ESRRB: variants seen among roughly 807,000 people sequenced by gnomAD.
ESRRB encodes the protein estrogen related receptor beta, also known as steroid hormone receptor ERR2.
ESRRB carries 16 observed loss-of-function variants against 46.0 expected under a neutral mutation model. The observed-to-expected ratio is 0.35, with a 90% CI of 0.24 to 0.53. The LOEUF (loss-of-function observed/expected upper bound fraction) is 0.53. ESRRB is among the 20% of genes least tolerant of loss of function. ESRRB has a pLI of 0.93. For synonymous variants in ESRRB, 246 were observed against 259.6 expected (o/e 0.95, Z 0.50); for missense variants, 488 against 607.4 (o/e 0.80, Z 2.07).
intron 2 of ESRRB, among the ~76,000 whole-genome samples, chr14:76,446,372 T>A (rs1242829350): frequency 1.3e-5 from 1 of 76,558 alleles, no homozygotes; most frequent in Non-Finnish European, 2.9e-5. Flanking sequence ...GTTGTTCGTT[T>A]TTTTTTTTTG....
At chr14:76,346,057 G>A (rs577438056) in intron 1 of ESRRB, among the ~76,000 whole-genome samples, 2 of 152,106 alleles carry the variant, frequency 1.3e-5, no homozygotes, top group Admixed American at 6.5e-5. Context: ...TGCCGGAAAC[G>A]CTTGGTGTTT....
intron 1 of ESRRB, among the ~76,000 whole-genome samples, chr14:76,379,282 T>C (rs1884908390): frequency 6.6e-6 from 1 of 152,104 alleles, no homozygotes; most frequent in African/African-American, 2.4e-5. Flanking sequence ...TGTGCCTGTG[T>C]ACAAATGGGT....
At chr14:76,433,507 G>A (rs757974128) in intron 1 of ESRRB, among the ~76,000 whole-genome samples, 3 of 152,114 alleles carry the variant, frequency 2.0e-5, no homozygotes, top group Non-Finnish European at 4.4e-5. Flanking sequence ...CTGACAATTA[G>A]TACTGACAAC....
chr14:76,446,383 TTTTG>T (rs1888149528), intron 2 of ESRRB, among the ~76,000 whole-genome samples: 2 of 150,118 alleles, frequency 1.3e-5, no homozygotes, highest in African/African-American at 5.0e-5. Flanking sequence ...TTTTTTTTTG[TTTTG>T]TTTTTGTTTT....
intron 1 of ESRRB, among the ~76,000 whole-genome samples, chr14:76,322,853 A>G (rs766787766): frequency 2.0e-5 from 3 of 152,118 alleles, no homozygotes; most frequent in Non-Finnish European, 4.4e-5. Context: ...GGCTCTTGGG[A>G]TGCTAATCAC....
intron 1 of ESRRB, among the ~76,000 whole-genome samples, chr14:76,401,286 G>A (rs12590670): frequency 0.24 from 35,817 of 152,114 alleles, 4,690 homozygotes; most frequent in Admixed American, 0.3. Flanking sequence ...AATGGGGACC[G>A]TGAGGATAGA....
intron 3 of ESRRB, among the ~76,000 whole-genome samples, chr14:76,476,845 G>A (rs578003192): frequency 6.6e-6 from 1 of 152,284 alleles, no homozygotes; most frequent in African/African-American, 2.4e-5. Flanking sequence ...TCCAGGCTGG[G>A]GCAAGAGAAA....
chr14:76,411,317 G>A (rs954424391), intron 1 of ESRRB, among the ~76,000 whole-genome samples: 3 of 151,758 alleles, frequency 2.0e-5, no homozygotes, highest in Admixed American at 1.3e-4. Flanking sequence ...GCATGGTGGC[G>A]GGCACCTGTA....
At chr14:76,436,352 G>C (rs1887673754) in intron 1 of ESRRB, among the ~76,000 whole-genome samples, 1 of 152,236 alleles carries the variant, frequency 6.6e-6, no homozygotes. Context: ...AGGTGACACA[G>C]AGTACTTGGT....
intron 1 of ESRRB, among the ~76,000 whole-genome samples, chr14:76,343,495 C>G (rs1884214923): frequency 6.6e-6 from 1 of 152,226 alleles, no homozygotes; most frequent in Non-Finnish European, 1.5e-5. Context: ...AGTGACTTGT[C>G]ACCACACCTT....
At chr14:76,381,997 G>T (rs560721698) in intron 1 of ESRRB, among the ~76,000 whole-genome samples, 1 of 152,094 alleles carries the variant, frequency 6.6e-6, no homozygotes, top group Non-Finnish European at 1.5e-5. Context: ...TATCATCAAG[G>T]GTCCTAACAG....
intron 1 of ESRRB, among the ~76,000 whole-genome samples, chr14:76,397,180 T>C (rs1046033359): frequency 1.3e-5 from 2 of 152,204 alleles, no homozygotes; most frequent in African/African-American, 4.8e-5. Flanking sequence ...TGTTATTCCT[T>C]TGGCAGGGCC....
chr14:76,440,397 C>T (rs1595120219), intron 2 of ESRRB, among the ~76,000 whole-genome samples: 1 of 152,174 alleles, frequency 6.6e-6, no homozygotes, highest in East Asian at 1.9e-4. Context: ...GGCACCACTG[C>T]CTTCCAGCCT....
intron 1 of ESRRB, among the ~76,000 whole-genome samples, chr14:76,413,336 C>T (rs1239231133): frequency 6.6e-6 from 1 of 152,214 alleles, no homozygotes. Flanking sequence ...GCCCCGGCCC[C>T]GGCCACACAC....
chr14:76,319,510 T>C (rs1202884338), intron 1 of ESRRB, among the ~76,000 whole-genome samples: 2 of 152,200 alleles, frequency 1.3e-5, no homozygotes, highest in East Asian at 1.9e-4. Context: ...CATCTCAGGC[T>C]AATAGTAATC....
At chr14:76,369,689 A>T (rs1283851428), upstream of ESRRB, among the ~76,000 whole-genome samples, 2 of 152,212 alleles carry the variant, frequency 1.3e-5, no homozygotes, top group Non-Finnish European at 2.9e-5. Flanking sequence ...AATTGGGTAC[A>T]ATGAAGTTCT....
At chr14:76,401,365 G>A (rs1885936140) in intron 1 of ESRRB, among the ~76,000 whole-genome samples, 1 of 152,224 alleles carries the variant, frequency 6.6e-6, no homozygotes, top group South Asian at 2.1e-4. Flanking sequence ...TGGGTGGGGA[G>A]TGGAGGCCTC....
intron 1 of ESRRB, among the ~76,000 whole-genome samples, chr14:76,363,620 G>A (rs116772807): frequency 0.011 from 1,713 of 152,256 alleles, 40 homozygotes; most frequent in African/African-American, 0.039. Flanking sequence ...GAATGGACAC[G>A]TCTTTCTAAA....
intron 1 of ESRRB, among the ~76,000 whole-genome samples, chr14:76,428,524 A>G (rs1439709535): frequency 1.3e-5 from 2 of 152,176 alleles, no homozygotes; most frequent in Admixed American, 1.3e-4. Flanking sequence ...TAGGTGGACT[A>G]AAGTGAGAGC....
Sources: gnomAD v4.1 joint callset for allele counts (sites outside exome capture counted in the v4.1 genomes callset) on GRCh38, gnomAD v4.1.1 for gene constraint, MANE v1.5 for transcripts, NCBI Gene and HGNC (gene_info 2026-07-23, HGNC 2026-07-21) for gene names.